ARHGAP20: variants seen among roughly 807,000 people sequenced by gnomAD.
The protein encoded by ARHGAP20 is rho GTPase-activating protein 20.
ARHGAP20 carries 34 observed loss-of-function variants against 73.7 expected under a neutral mutation model. The observed-to-expected ratio is 0.46, with a 90% CI of 0.35 to 0.61. ARHGAP20 has a LOEUF of 0.61. Ranked by LOEUF, ARHGAP20 falls within the 20% of genes least tolerant of loss-of-function variation. ARHGAP20 has a pLI of 0.00. For missense variants in ARHGAP20, 1,314 were observed against 1,420.9 expected, an observed-to-expected ratio of 0.92 and a Z score of 1.21; for synonymous variants, 523 against 518.2, an observed-to-expected ratio of 1.01 and a Z score of -0.13.
intron 2 of ARHGAP20, among the ~76,000 whole-genome samples, chr11:110,665,358 A>C (rs973891731): frequency 2.6e-5 from 4 of 152,192 alleles, no homozygotes; most frequent in Admixed American, 6.5e-5. Flanking sequence ...AATGAAGGTC[A>C]TTAAAATAGA....
chr11:110,600,404 A>C (rs585758), intron 9 of ARHGAP20, among the ~76,000 whole-genome samples: 31,789 of 152,148 alleles, frequency 0.21, 4,228 homozygotes, highest in African/African-American at 0.37. Flanking sequence ...AGCCTCACAG[A>C]CAGCCAGCAC....
chr11:110,581,548 A>G (rs147713912), intron 14 of ARHGAP20, among the ~76,000 whole-genome samples: 99 of 152,256 alleles, frequency 6.5e-4, no homozygotes, highest in African/African-American at 2.1e-3. Context: ...TCTGAGTAAG[A>G]CTCTGCCTTC....
upstream of ARHGAP20, chr11:110,712,910 TG>T (rs1332953471): frequency 6.6e-6 from 1 of 152,414 alleles, no homozygotes; most frequent in Non-Finnish European, 1.5e-5. Flanking sequence ...CCCACCCCAC[TG>T]GGGATAGGGT....
chr11:110,640,520 A>G (rs1299265173), intron 2 of ARHGAP20, among the ~76,000 whole-genome samples: 3 of 152,050 alleles, frequency 2.0e-5, no homozygotes, highest in Non-Finnish European at 2.9e-5. Context: ...TTATTCAGCA[A>G]TGCAATCCTA....
chr11:110,649,045 G>A (rs1211133079), intron 2 of ARHGAP20, among the ~76,000 whole-genome samples: 2 of 151,972 alleles, frequency 1.3e-5, no homozygotes, highest in East Asian at 3.8e-4. Context: ...TGACATGTAT[G>A]TTTTGAAGCA....
In ARHGAP20 at chr11:110,580,368, G is replaced by A; in HGVS notation, c.2578C>T (p.Leu860Phe). 1.2e-6 allele frequency: 2 copies of A among 1,614,242 alleles called. No individual in the cohort carries two copies. Among genetic ancestry groups the A allele is most frequent in the Non-Finnish European group, 1.7e-6 (2 of 1,180,050 alleles). Residue 860 changes from leucine to phenylalanine, a missense_variant, in exon 15 of 15, where the codon CTC becomes TTC. Leu to Phe is a conservative substitution (Grantham distance 22). Around this residue, in one of 3 missense-constraint regions of ARHGAP20, gnomAD observed 641 missense variants for 636.9 expected, o/e 1.01. Transcript: ENST00000683387. ...TGTTTCTTTGAATAAATTCCCCTGA[G>A]ATAGGTCAGCTTGCGGTTCTGGTCT... The part of the protein sequence containing the change: ...IEDQNRKLTY[L>F]RGIYSKKQHK...
At position 110,581,140 on chromosome 11, in the gene ARHGAP20, G is replaced by A; in HGVS notation, c.1806C>T (p.Asp602=). 1 of 1,614,198 alleles carries A rather than the reference G, an allele frequency of 6.2e-7. No homozygotes were observed. The highest frequency in any genetic ancestry group is 8.5e-7 in the Non-Finnish European group (1 of 1,180,040). The change falls in exon 15 of 15, where the codon GAC becomes GAT. Residue 602 remains aspartate, a synonymous_variant. Transcript: ENST00000683387. The stretch of plus-strand genomic sequence containing the variant: ...TCCCCTGGCCAAGTTTCTTTACCAA[G>A]TCACTGCATGGTGCATCAACATCCT... ...LNEDVDAPCS[D]LVKKLGQGSR... is the part of the protein sequence containing the mutation.
In ARHGAP20 at chr11:110,577,644, T is replaced by C. The variant is rs1441250292; in HGVS notation, c.*1726A>G. ...ATATGGACACTTAGAAGTCTTAATATGTAGGACTGGTTAGTTATAAAGTGA... is the reference window on the plus strand; with the variant it reads ...ATATGGACACTTAGAAGTCTTAATACGTAGGACTGGTTAGTTATAAAGTGA... On this transcript the variant is annotated 3_prime_UTR_variant, in exon 15 of 15. Transcript: ENST00000683387. 1.0e-6 allele frequency: 1 copy of C among 985,918 alleles called. No homozygotes were observed. The highest frequency in any genetic ancestry group is 1.2e-6 in the Non-Finnish European group (1 of 829,974). 61.1% of individuals were successfully genotyped at this position (985,918 alleles called of 1,614,324 possible).
rs1947366396 is a variant in ARHGAP20, at chr11:110,579,196, A to C, written c.*174T>G. 7.7e-7 allele frequency: 1 copy of C among 1,299,546 alleles called. No homozygotes were observed. The highest frequency in any genetic ancestry group is 2.7e-5 in the South Asian group (1 of 36,972). 80.5% of individuals were successfully genotyped at this position (1,299,546 alleles called of 1,614,324 possible). ...ACTTAGGTGACAAAATTTTTAGCAT[A>C]AAGTATTTGTCAAGTAGTCTCAATA... On this transcript the variant is annotated 3_prime_UTR_variant, in exon 15 of 15. Coordinates refer to ENST00000683387, the MANE Select transcript of ARHGAP20 (RefSeq NM_001384657.1).
chr11:110,577,498 C>T lies in ARHGAP20; in HGVS notation c.*1872G>A. The T allele has an allele frequency of 2.0e-6, 2 of 1,008,206 alleles. No individual in the cohort carries two copies. Among genetic ancestry groups the T allele is most frequent in the Non-Finnish European group, 2.4e-6 (2 of 846,192 alleles). The allele number at this position is 1,008,206 out of a possible 1,614,324, so 62.5% of individuals were successfully genotyped here. A position where few individuals can be genotyped will look rare whatever the true frequency, so the allele number is the denominator to read the frequency against. On this transcript the variant is annotated 3_prime_UTR_variant, in exon 15 of 15. Coordinates refer to ENST00000683387, the MANE Select transcript of ARHGAP20 (RefSeq NM_001384657.1). ...AAAAAAAAAAAAAGGCAATTTCTTC[C>T]AGAAAGACACTCCAAGCCGTTAAGA...
At chr11:110,594,804 C>T (rs1321376683) in intron 9 of ARHGAP20, among the ~76,000 whole-genome samples, 1 of 149,980 alleles carries the variant, frequency 6.7e-6, no homozygotes, top group African/African-American at 2.5e-5. Flanking sequence ...CCAGCATCAT[C>T]CTGATACCAA....
chr11:110,613,636 A>G (rs1013942059), intron 6 of ARHGAP20, among the ~76,000 whole-genome samples: 1 of 152,168 alleles, frequency 6.6e-6, no homozygotes, highest in Admixed American at 6.5e-5. Context: ...GAATCAAAGC[A>G]GACAGAAAAA....
chr11:110,647,954 A>C (rs554589479), intron 2 of ARHGAP20, among the ~76,000 whole-genome samples: 1 of 151,712 alleles, frequency 6.6e-6, no homozygotes, highest in Admixed American at 6.6e-5. Flanking sequence ...TGAAGTTAAG[A>C]ATCCATTGAT....
intron 2 of ARHGAP20, among the ~76,000 whole-genome samples, chr11:110,656,834 G>A (rs1046897271): frequency 7.2e-5 from 11 of 152,218 alleles, no homozygotes; most frequent in Non-Finnish European, 1.6e-4. Flanking sequence ...TCAACTCTGT[G>A]TTCTGGGGAT....
chr11:110,679,607 T>A (rs1949999373), intron 2 of ARHGAP20, among the ~76,000 whole-genome samples: 1 of 152,088 alleles, frequency 6.6e-6, no homozygotes, highest in Non-Finnish European at 1.5e-5. Flanking sequence ...ATGCTTAGAA[T>A]AATGAAACAC....
chr11:110,698,558 G>A (rs1950381897), intron 1 of ARHGAP20, among the ~76,000 whole-genome samples: 1 of 151,644 alleles, frequency 6.6e-6, no homozygotes, highest in African/African-American at 2.4e-5. Context: ...GGCTTTTGTT[G>A]TTCTTGGAAG....
intron 9 of ARHGAP20, 99 bp from the exon 10 acceptor site, chr11:110,592,254 G>A: frequency 8.8e-7 from 1 of 1,141,102 alleles, no homozygotes; most frequent in Non-Finnish European, 1.2e-6. Context: ...ATGGCTCAAA[G>A]AGAAAAAGAT....
intron 2 of ARHGAP20, among the ~76,000 whole-genome samples, chr11:110,644,035 A>T (rs1284093025): frequency 6.6e-6 from 1 of 152,126 alleles, no homozygotes; most frequent in Non-Finnish European, 1.5e-5. Context: ...CTGAGAGATA[A>T]GTCAAGAATG....
rs186595895 is a variant in ARHGAP20 at position 110,608,947 on chromosome 11, A to C, written c.775+37T>G. 3.9e-6 allele frequency: 6 copies of C among 1,551,990 alleles called. No individual in the cohort carries two copies. In the African/African-American group the frequency reaches 4.1e-5, roughly 11 times the overall value. ...AGACACTTAGAATTATAATTAAAACACAATCAATGCTATCTTAGACTTTTG... is the reference window on the plus strand; with the variant it reads ...AGACACTTAGAATTATAATTAAAACCCAATCAATGCTATCTTAGACTTTTG... On this transcript the variant is annotated intron_variant, in intron 8 of 14. Transcript: ENST00000683387.
Sources: gnomAD v4.1 joint callset for allele counts (sites outside exome capture counted in the v4.1 genomes callset) on GRCh38, gnomAD v4.1.1 for gene constraint, gnomAD v4.1.1 regional missense constraint, MANE v1.5 for transcripts, NCBI Gene and HGNC (gene_info 2026-07-23, HGNC 2026-07-21) for gene names.